HEYL: variants seen among roughly 807,000 people sequenced by gnomAD.
HEYL encodes the protein hes related family bHLH transcription factor with YRPW motif like.
HEYL carries 12 observed loss-of-function variants against 18.6 expected under a neutral mutation model. The observed-to-expected ratio is 0.65, with a 90% CI of 0.41 to 1.05. HEYL has a LOEUF of 1.05. HEYL is among the 50% of genes least tolerant of loss of function. The pLI is 0.00. For missense variants in HEYL, 420 were observed against 444.7 expected, an observed-to-expected ratio of 0.94 and a Z score of 0.50; for synonymous variants, 159 against 179.6, an observed-to-expected ratio of 0.89 and a Z score of 0.91.
intron 1 of HEYL, among the ~76,000 whole-genome samples, chr1:39,638,822 T>C (rs1646372548): frequency 6.6e-6 from 1 of 152,230 alleles, no homozygotes; most frequent in African/African-American, 2.4e-5. Flanking sequence ...TTCATGCTCA[T>C]TTAACAGATA....
At chr1:39,629,111 T>C (rs1646318477) in intron 4 of HEYL, among the ~76,000 whole-genome samples, 1 of 152,250 alleles carries the variant, frequency 6.6e-6, no homozygotes, top group African/African-American at 2.4e-5. Flanking sequence ...CACAGTTCTG[T>C]CTTCCCATTA....
rs913511442 is a variant in HEYL, at chr1:39,624,306, A to G, written c.*2201T>C. The G allele has an allele frequency of 3.3e-5, 5 of 152,280 alleles. No individual in the cohort carries two copies. The highest frequency in any genetic ancestry group is 7.2e-5 in the African/African-American group (3 of 41,470). The allele number at this position is 152,280 out of a possible 1,614,324, so 9.4% of individuals were successfully genotyped here. On this transcript the variant is annotated 3_prime_UTR_variant, in exon 5 of 5. Transcript: ENST00000372852. ...ATCACACAGTCACCTTTCCTTCCAC[A>G]ATATCCCAGGGACAATGAAAGCAAG...
intron 4 of HEYL, among the ~76,000 whole-genome samples, chr1:39,627,842 T>G (rs1251005721): frequency 1.3e-5 from 2 of 152,256 alleles, no homozygotes; most frequent in Non-Finnish European, 2.9e-5. Flanking sequence ...AAATGCTGAA[T>G]AAATGAAAAG....
At chr1:39,632,894 T>A (rs778988596) in intron 1 of HEYL, 179 bp from the exon 2 acceptor site, 20 of 985,290 alleles carry the variant, frequency 2.0e-5, no homozygotes, top group Non-Finnish European at 2.4e-5. Flanking sequence ...GGGCCCACTT[T>A]GGGCTCTTGG....
chr1:39,623,659 A>C lies in HEYL; in HGVS notation c.*2848T>G, dbSNP rs1646279524. Among the ~76,000 whole-genome samples the C allele has an allele frequency of 6.6e-6, 1 of 152,348 alleles. No homozygotes were observed. The highest frequency in any genetic ancestry group is 1.9e-4 in the East Asian group (1 of 5,186). ...AGGCCTTGTGATAGAGGAACTCCAC[A>C]AGTAAAGTAGTCGAGGAAGGCCTCT... On this transcript the variant is annotated 3_prime_UTR_variant, in exon 5 of 5. Coordinates refer to ENST00000372852, the MANE Select transcript of HEYL (RefSeq NM_014571.4).
chr1:39,636,741 G>GA (rs1646363867), intron 1 of HEYL, among the ~76,000 whole-genome samples: 1 of 152,094 alleles, frequency 6.6e-6, no homozygotes, highest in African/African-American at 2.4e-5. Context: ...TCACATTTAG[G>GA]AAAAATAATC....
At chr1:39,628,148 C>A (rs535918816) in intron 4 of HEYL, among the ~76,000 whole-genome samples, 1 of 152,220 alleles carries the variant, frequency 6.6e-6, no homozygotes, top group Admixed American at 6.5e-5. Flanking sequence ...ATGGCCCCCA[C>A]AGAGGAACAG....
rs185881690 is a variant in HEYL, at chr1:39,633,897, C to A, written c.81-1182G>T. 390 of 152,484 alleles carry A rather than the reference C, an allele frequency of 2.6e-3. 2 individuals are homozygous for A. The highest frequency in any genetic ancestry group is 3.7e-3 in the Admixed American group (57 of 15,308). The allele number at this position is 152,484 out of a possible 1,614,324, so 9.4% of individuals were successfully genotyped here. A position where few individuals can be genotyped will look rare whatever the true frequency, so the allele number is the denominator to read the frequency against. On this transcript the variant is annotated intron_variant, in intron 1 of 4. Transcript: ENST00000372852. Reference sequence around the variant, plus strand: ...GTCTAAAATATATCTCACGTCTGTCCTCTTCCTCTCCGCCACTTCTCTCAA... The same window carrying A: ...GTCTAAAATATATCTCACGTCTGTCATCTTCCTCTCCGCCACTTCTCTCAA...
chr1:39,636,665 C>T (rs1289684387), intron 1 of HEYL, among the ~76,000 whole-genome samples: 2 of 152,210 alleles, frequency 1.3e-5, no homozygotes, highest in Non-Finnish European at 1.5e-5. Flanking sequence ...CTATACTGCA[C>T]TTCCACATCC....
intron 2 of HEYL, among the ~76,000 whole-genome samples, chr1:39,632,084 T>C (rs1286958082): frequency 2.0e-5 from 3 of 152,092 alleles, no homozygotes; most frequent in Non-Finnish European, 2.9e-5. Context: ...ATTTTACAGA[T>C]AAGGAAAATG....
At position 39,626,346 on chromosome 1, in the gene HEYL, G is replaced by A. The variant is rs930947034; in HGVS notation, c.*161C>T. ...GGATAAGCTGGGATAACAGTGAGAA[G>A]GAGAGATGGGTTGGAGGAGGAGGGG... is the stretch of plus-strand genomic sequence containing the variant. On this transcript the variant is annotated 3_prime_UTR_variant, in exon 5 of 5. Transcript: ENST00000372852. The A allele has an allele frequency of 1.6e-6, 1 of 625,072 alleles. No individual in the cohort carries two copies. The highest frequency in any genetic ancestry group is 2.7e-6 in the Non-Finnish European group (1 of 369,028). The allele number at this position is 625,072 out of a possible 1,614,324, so 38.7% of individuals were successfully genotyped here.
chr1:39,627,089 A>C lies in HEYL; in HGVS notation c.405T>G (p.Leu135=). 6.2e-7 allele frequency: 1 copy of C among 1,614,140 alleles called. No homozygotes were observed. The highest frequency in any genetic ancestry group is 1.1e-5 in the South Asian group (1 of 91,084). The change falls in exon 5 of 5, where the codon CTT becomes CTG. Residue 135 remains leucine (L), a synonymous_variant. Transcript: ENST00000372852. ...LTEVIRYLGV[L]EGPSSRADPV... The stretch of plus-strand genomic sequence containing the variant: ...GGTCTGCACGGCTGCTGGGCCCTTC[A>C]AGGACCCCCAGGTACCTGATGACCT...
rs1381780159 is a variant in HEYL at position 39,632,520 on chromosome 1, G to C, written c.147+129C>G. ...AATCACCCTGATAGCTAGTGACAGA[G>C]CCGGGATTTGAACCCAAGCAGTTAG... On this transcript the variant is annotated intron_variant, in intron 2 of 4. Transcript: ENST00000372852. The C allele has an allele frequency of 6.1e-6, 5 of 813,310 alleles. No homozygotes were observed. The African/African-American group carries it at 8.6e-5, about 14-fold the overall frequency. 50.4% of individuals were successfully genotyped at this position (813,310 alleles called of 1,614,324 possible).
chr1:39,637,938 GC>G (rs575581240), intron 1 of HEYL, among the ~76,000 whole-genome samples: 259 of 152,290 alleles, frequency 1.7e-3, no homozygotes, highest in African/African-American at 6.0e-3. Flanking sequence ...GAGGACAGAA[GC>G]CAGCTCTGAT....
At position 39,629,938 on chromosome 1, in the gene HEYL, G is replaced by A. The variant is rs577859847; in HGVS notation, c.313+289C>T. Among the ~76,000 whole-genome samples the A allele has an allele frequency of 2.6e-5, 4 of 152,290 alleles. No homozygotes were observed. In the South Asian group the frequency reaches 8.3e-4, roughly 32 times the overall value. ...TCAGGTGAATTCTTAATGAGGTCCTGGGTTGGACAAGAGTGGGACCCATAG... is the reference window on the plus strand; with the variant it reads ...TCAGGTGAATTCTTAATGAGGTCCTAGGTTGGACAAGAGTGGGACCCATAG... On this transcript the variant is annotated intron_variant, in intron 4 of 4. Transcript: ENST00000372852.
chr1:39,631,442 C>T, intron 3 of HEYL, 54 bp downstream of exon 3: 1 of 1,510,512 alleles, frequency 6.6e-7, no homozygotes, highest in African/African-American at 1.4e-5. Flanking sequence ...AGAAACGAAC[C>T]TTATCTGCCA....
At chr1:39,633,027 G>A (rs1217170413) in intron 1 of HEYL, 10 of 966,784 alleles carry the variant, frequency 1.0e-5, no homozygotes, top group Non-Finnish European at 1.2e-5. Context: ...ATCCCCGGGG[G>A]CGGGGCGGGC....
chr1:39,637,896 T>A (rs527670839), intron 1 of HEYL, among the ~76,000 whole-genome samples: 5 of 152,328 alleles, frequency 3.3e-5, no homozygotes, highest in African/African-American at 1.2e-4. Flanking sequence ...TTTTATGACC[T>A]GGCAGGTCAC....
chr1:39,624,626 A>T lies in HEYL; in HGVS notation c.*1881T>A, dbSNP rs1277550749. On this transcript the variant is annotated 3_prime_UTR_variant, in exon 5 of 5. Coordinates refer to ENST00000372852, the MANE Select transcript of HEYL (RefSeq NM_014571.4). ...TGTTACCTCCTCTGTCCCTGTCCCCAATCCTGGGAGCATGTGTGAGTTCTG... is the reference window on the plus strand; with the variant it reads ...TGTTACCTCCTCTGTCCCTGTCCCCTATCCTGGGAGCATGTGTGAGTTCTG... The T allele has an allele frequency of 6.6e-6, 1 of 152,356 alleles. No individual in the cohort carries two copies. Among genetic ancestry groups the T allele is most frequent in the Non-Finnish European group, 1.5e-5 (1 of 68,166 alleles). 9.4% of individuals were successfully genotyped at this position (152,356 alleles called of 1,614,324 possible). A position where few individuals can be genotyped will look rare whatever the true frequency, so the allele number is the denominator to read the frequency against.
Sources: allele counts gnomAD v4.1 joint callset (sites outside exome capture counted in the v4.1 genomes callset), GRCh38; gene constraint gnomAD v4.1.1; transcripts MANE v1.5; gene names NCBI Gene and HGNC (gene_info 2026-07-23, HGNC 2026-07-21).